Variants in PTPRM observed in about 807,000 individuals in gnomAD.
PTPRM encodes the protein receptor-type tyrosine-protein phosphatase mu.
A neutral mutation model predicts 186.7 loss-of-function variants in PTPRM; 47 were observed. That is an observed-to-expected ratio of 0.25 (90% CI 0.20 to 0.32). The LOEUF (loss-of-function observed/expected upper bound fraction) is 0.32. Ranked by LOEUF, PTPRM falls within the 10% of genes least tolerant of loss-of-function variation. PTPRM has a pLI of 1.00. For missense variants in PTPRM, 1,494 were observed against 1,865.0 expected, an observed-to-expected ratio of 0.80 and a Z score of 3.66; for synonymous variants, 668 against 674.9, an observed-to-expected ratio of 0.99 and a Z score of 0.16.
At chr18:7,885,375 CA>C (rs899341074) in intron 2 of PTPRM, among the ~76,000 whole-genome samples, 1 of 152,108 alleles carries the variant, frequency 6.6e-6, no homozygotes, top group African/African-American at 2.4e-5. Flanking sequence ...ATGAAACCAC[CA>C]AACCCCCCTT....
intron 3 of PTPRM, among the ~76,000 whole-genome samples, 174 bp from the exon 4 acceptor site, chr18:7,906,331 G>A (rs1355203745): frequency 6.6e-6 from 1 of 152,110 alleles, no homozygotes; most frequent in African/African-American, 2.4e-5. Context: ...GACTGGGGTG[G>A]GGTCTTGCCT....
intron 29 of PTPRM, among the ~76,000 whole-genome samples, chr18:8,381,315 G>A (rs1171410320): frequency 2.0e-5 from 3 of 148,330 alleles, no homozygotes; most frequent in Non-Finnish European, 3.0e-5. Flanking sequence ...AACTTGTTCT[G>A]GAAATGAATT....
At chr18:7,816,539 T>C (rs1382410746) in intron 2 of PTPRM, among the ~76,000 whole-genome samples, 1 of 152,168 alleles carries the variant, frequency 6.6e-6, no homozygotes, top group Non-Finnish European at 1.5e-5. Flanking sequence ...AGAATCTACA[T>C]TCGTTAGTAT....
intron 2 of PTPRM, among the ~76,000 whole-genome samples, chr18:7,828,260 T>G (rs1403844513): frequency 2.0e-5 from 3 of 151,744 alleles, no homozygotes; most frequent in Non-Finnish European, 4.4e-5. Context: ...TTTTTTAATT[T>G]TATTATTATT....
intron 5 of PTPRM, among the ~76,000 whole-genome samples, chr18:7,943,225 G>C (rs1309182639): frequency 2.0e-5 from 3 of 152,052 alleles, no homozygotes; most frequent in Non-Finnish European, 4.4e-5. Context: ...CTCCAGTGTA[G>C]ACGGCATGTT....
chr18:7,949,029 C>T, intron 5 of PTPRM, 152 bp from the exon 6 acceptor site: 1 of 632,488 alleles, frequency 1.6e-6, no homozygotes, highest in Non-Finnish European at 2.5e-6. Flanking sequence ...TCCTGCTCAG[C>T]TATTCTCCTG....
At chr18:7,937,001 C>A (rs1254780118) in intron 5 of PTPRM, among the ~76,000 whole-genome samples, 1 of 152,152 alleles carries the variant, frequency 6.6e-6, no homozygotes, top group African/African-American at 2.4e-5. Context: ...TGTTGGGACA[C>A]CCTCACTGTG....
At chr18:7,725,982 G>T (rs1039454886) in intron 1 of PTPRM, among the ~76,000 whole-genome samples, 1 of 152,124 alleles carries the variant, frequency 6.6e-6, no homozygotes, top group African/African-American at 2.4e-5. Context: ...CTGGGGCTTC[G>T]GATCACGGGC....
At chr18:8,107,223 T>C (rs1231383103) in intron 11 of PTPRM, among the ~76,000 whole-genome samples, 1 of 152,218 alleles carries the variant, frequency 6.6e-6, no homozygotes, top group Non-Finnish European at 1.5e-5. Context: ...TGTCTTCACT[T>C]GTTAAAAGCA....
intron 2 of PTPRM, among the ~76,000 whole-genome samples, chr18:7,886,660 G>T (rs2048802873): frequency 6.6e-6 from 1 of 152,116 alleles, no homozygotes; most frequent in Non-Finnish European, 1.5e-5. Context: ...CAAAGTTCTG[G>T]TTTTGCCACT....
chr18:8,084,486 A>T (rs2090329006), intron 9 of PTPRM, among the ~76,000 whole-genome samples: 1 of 152,160 alleles, frequency 6.6e-6, no homozygotes, highest in African/African-American at 2.4e-5. Context: ...CATGCAGTGC[A>T]GTGATTAATA....
intron 5 of PTPRM, among the ~76,000 whole-genome samples, chr18:7,939,691 T>C (rs766768349): frequency 6.6e-6 from 1 of 152,160 alleles, no homozygotes; most frequent in Non-Finnish European, 1.5e-5. Context: ...CCCAGGACAT[T>C]CGGTCACTGT....
chr18:8,160,910 GTAAGTGCCTA>G (rs1323033359), intron 14 of PTPRM, among the ~76,000 whole-genome samples: 1 of 152,174 alleles, frequency 6.6e-6, no homozygotes, highest in Non-Finnish European at 1.5e-5. Context: ...GCCGCTTAGT[GTAAGTGCCTA>G]GTTATTGGGA....
chr18:8,186,348 A>G (rs2093642256), intron 14 of PTPRM, among the ~76,000 whole-genome samples: 1 of 150,614 alleles, frequency 6.6e-6, no homozygotes, highest in Non-Finnish European at 1.5e-5. Context: ...AAAAAAAAGA[A>G]TGAAAAGTAT....
chr18:7,836,098 T>C (rs2046034786), intron 2 of PTPRM, among the ~76,000 whole-genome samples: 1 of 152,186 alleles, frequency 6.6e-6, no homozygotes. Flanking sequence ...TTACATTCAA[T>C]GTTATTGATA....
rs79434816 is a variant in PTPRM at position 7,725,758 on chromosome 18, C to A, written c.74-48391C>A. Among the ~76,000 whole-genome samples the A allele has an allele frequency of 3.8e-3, 580 of 152,150 alleles. 4 individuals are homozygous for A. The highest frequency in any genetic ancestry group is 0.013 in the African/African-American group (542 of 41,500). On this transcript the variant is annotated intron_variant, in intron 1 of 32. Coordinates refer to ENST00000580170, the MANE Select transcript of PTPRM (RefSeq NM_001105244.2). ...CCTGCCCTGTCCCTTTTTCATCTCC[C>A]CTTCGCGCTGAGAGCCACTTTCACC... is the stretch of plus-strand genomic sequence containing the variant.
At chr18:7,732,830 T>A (rs1002906313) in intron 1 of PTPRM, among the ~76,000 whole-genome samples, 4 of 152,148 alleles carry the variant, frequency 2.6e-5, no homozygotes, top group Non-Finnish European at 5.9e-5. Flanking sequence ...TTGAGCCCCA[T>A]AACTGAACCG....
At chr18:8,262,148 C>T (rs563902694) in intron 19 of PTPRM, among the ~76,000 whole-genome samples, 1 of 152,246 alleles carries the variant, frequency 6.6e-6, no homozygotes, top group East Asian at 1.9e-4. Context: ...GTCCCAACTG[C>T]TCTCTCTCCT....
chr18:8,075,597 A>G (rs1038906578), intron 8 of PTPRM, among the ~76,000 whole-genome samples: 4 of 152,278 alleles, frequency 2.6e-5, no homozygotes, highest in African/African-American at 9.6e-5. Flanking sequence ...TATTTTATAG[A>G]AAACTGGCAA....
Sources: gnomAD v4.1 joint callset for allele counts (sites outside exome capture counted in the v4.1 genomes callset) on GRCh38, gnomAD v4.1.1 for gene constraint, MANE v1.5 for transcripts, NCBI Gene and HGNC (gene_info 2026-07-23, HGNC 2026-07-21) for gene names.